CEP57L1: variants seen among roughly 807,000 people sequenced by gnomAD.
The protein encoded by CEP57L1 is centrosomal protein CEP57L1.
Under a neutral mutation model 61.0 loss-of-function variants are expected in CEP57L1, and 37 were observed. That is an observed-to-expected ratio of 0.61 (90% CI 0.47 to 0.80). CEP57L1 has a LOEUF of 0.80. CEP57L1 is among the 30% of genes least tolerant of loss of function. CEP57L1 has a pLI of 0.00. For missense variants in CEP57L1, 422 were observed against 524.7 expected (o/e 0.80, Z 1.91); for synonymous variants, 137 against 162.3 (o/e 0.84, Z 1.19).
In CEP57L1 at chr6:109,171,710, TA is replaced by T. The variant is rs1369400160; in HGVS notation, c.*8746del. 6.6e-6 allele frequency among the ~76,000 whole-genome samples: 1 copy of T among 152,098 alleles called. No individual in the cohort carries two copies. The highest frequency in any genetic ancestry group is 2.4e-5 in the African/African-American group (1 of 41,418). On this transcript the variant is annotated 3_prime_UTR_variant, in exon 11 of 11. Transcript: ENST00000517392. ...CTTTAGGAGGACAGGCTTATCAAAT[TA>T]AAAAATGAAAAAACCTACAAAATTA...
chr6:109,134,062 T>C (rs1365900901), intron 1 of CEP57L1, among the ~76,000 whole-genome samples: 1 of 152,182 alleles, frequency 6.6e-6, no homozygotes, highest in Non-Finnish European at 1.5e-5. Flanking sequence ...ACTCATTTTA[T>C]GAGGCCAGCA....
Position 109,099,794 on chromosome 6 carries a change from C to T in CEP57L1, c.-4+4219C>T, listed in dbSNP as rs186757710. 8.3e-3 allele frequency among the ~76,000 whole-genome samples: 1,261 copies of T among 152,230 alleles called. 23 individuals carry two copies. Among genetic ancestry groups the T allele is most frequent in the African/African-American group, 0.029 (1,212 of 41,522 alleles). ...CGATCTCCTGACCTCGTGATCCACC[C>T]GCCTCGGCCTCCCAAAGTGCTGGGA... On this transcript the variant is annotated intron_variant, in intron 1 of 10. Coordinates refer to ENST00000517392, the MANE Select transcript of CEP57L1 (RefSeq NM_001271852.3).
At chr6:109,150,699 GA>G (rs540516410) in intron 4 of CEP57L1, among the ~76,000 whole-genome samples, 22 of 145,900 alleles carry the variant, frequency 1.5e-4, no homozygotes, top group Non-Finnish European at 2.6e-4. Context: ...AAAGCATCCA[GA>G]AAAAAAAAAT....
At chr6:109,139,466 A>AT (rs936052011) in intron 1 of CEP57L1, among the ~76,000 whole-genome samples, 2 of 150,312 alleles carry the variant, frequency 1.3e-5, no homozygotes, top group Non-Finnish European at 3.0e-5. Flanking sequence ...GCCTGGCTGA[A>AT]TTTTTTTTTC....
At chr6:109,108,890 C>T (rs1410972997) in intron 1 of CEP57L1, among the ~76,000 whole-genome samples, 3 of 152,158 alleles carry the variant, frequency 2.0e-5, no homozygotes, top group African/African-American at 4.8e-5. Flanking sequence ...ACACTAACTT[C>T]GCAATTTTTA....
At position 109,169,662 on chromosome 6, in the gene CEP57L1, A is replaced by G. The variant is rs1477073265; in HGVS notation, c.*6692A>G. Among the ~76,000 whole-genome samples, 1 of 152,236 alleles carries G rather than the reference A, an allele frequency of 6.6e-6. No individual in the cohort carries two copies. Among genetic ancestry groups the G allele is most frequent in the African/African-American group, 2.4e-5 (1 of 41,464 alleles). ...AATCCCTTAACAAAATGACCTCATT[A>G]TGCTACCTCTTGGTAAAATCTAACC... On this transcript the variant is annotated 3_prime_UTR_variant, in exon 11 of 11. Coordinates refer to ENST00000517392, the MANE Select transcript of CEP57L1 (RefSeq NM_001271852.3).
intron 4 of CEP57L1, among the ~76,000 whole-genome samples, chr6:109,151,022 T>C (rs552831210): frequency 1.6e-4 from 25 of 152,290 alleles, no homozygotes; most frequent in Non-Finnish European, 3.4e-4. Flanking sequence ...AATATGTGGA[T>C]AAATCTAAAT....
intron 1 of CEP57L1, among the ~76,000 whole-genome samples, chr6:109,132,171 G>A (rs1388580142): frequency 6.6e-6 from 1 of 152,120 alleles, no homozygotes; most frequent in Non-Finnish European, 1.5e-5. Flanking sequence ...GGTGCCTCAG[G>A]ATCCTAGCAG....
chr6:109,147,466 A>T (rs556380424), intron 3 of CEP57L1, among the ~76,000 whole-genome samples: 1 of 152,176 alleles, frequency 6.6e-6, no homozygotes, highest in East Asian at 1.9e-4. Flanking sequence ...AATTTAGAAC[A>T]TAAGTCTTTT....
chr6:109,120,900 A>T (rs527826077), intron 1 of CEP57L1, among the ~76,000 whole-genome samples: 1 of 142,674 alleles, frequency 7.0e-6, no homozygotes, highest in East Asian at 2.1e-4. Context: ...AAATTCCTAT[A>T]CTTAGACACA....
intron 1 of CEP57L1, among the ~76,000 whole-genome samples, chr6:109,123,037 T>G (rs1213252772): frequency 2.0e-5 from 3 of 152,154 alleles, no homozygotes; most frequent in Non-Finnish European, 4.4e-5. Flanking sequence ...TCTGTTTCCA[T>G]GGACCTTGGT....
rs1010854601 is a variant in CEP57L1 at position 109,140,186 on chromosome 6, G to A, written c.-3-5033G>A. On this transcript the variant is annotated intron_variant, in intron 1 of 10. Coordinates refer to ENST00000517392, the MANE Select transcript of CEP57L1 (RefSeq NM_001271852.3). ...CGGCTCACTGCAACCTCCGCCTTCC[G>A]GGTTCAAGCGATTCTCCTCCCTCAG... Among the ~76,000 whole-genome samples, 6 of 151,908 alleles carry A rather than the reference G, an allele frequency of 3.9e-5. No homozygotes were observed. The South Asian group carries it at 1.0e-3, about 26-fold the overall frequency.
At chr6:109,115,265 A>G (rs910507835) in intron 1 of CEP57L1, among the ~76,000 whole-genome samples, 2 of 151,846 alleles carry the variant, frequency 1.3e-5, no homozygotes, top group Non-Finnish European at 2.9e-5. Context: ...AAGGAGAGAA[A>G]AGAGAGAAAT....
chr6:109,095,224 C>T (rs1781539351), upstream of CEP57L1: 2 of 985,402 alleles, frequency 2.0e-6, no homozygotes, highest in Non-Finnish European at 2.4e-6. Flanking sequence ...GACGTTTGGA[C>T]TCTGTCCTGG....
At chr6:109,144,725 G>A (rs997538043) in intron 1 of CEP57L1, among the ~76,000 whole-genome samples, 20 of 151,884 alleles carry the variant, frequency 1.3e-4, no homozygotes, top group African/African-American at 4.4e-4. Context: ...GTTAAATTCC[G>A]ATATTTCATA....
At chr6:109,155,450 C>A in intron 6 of CEP57L1, 143 bp downstream of exon 6, 1 of 502,062 alleles carries the variant, frequency 2.0e-6, no homozygotes, top group Non-Finnish European at 3.4e-6. Context: ...AATTCTCAGT[C>A]AGCCAGTATG....
intron 1 of CEP57L1, among the ~76,000 whole-genome samples, chr6:109,138,621 C>T (rs747554349): frequency 6.6e-6 from 1 of 152,172 alleles, no homozygotes; most frequent in Non-Finnish European, 1.5e-5. Flanking sequence ...GTTTATATTC[C>T]TGTCAGCTAT....
At chr6:109,150,490 C>T (rs565078095) in intron 4 of CEP57L1, among the ~76,000 whole-genome samples, 3 of 151,750 alleles carry the variant, frequency 2.0e-5, no homozygotes, top group Admixed American at 1.3e-4. Context: ...GGTGAAACCC[C>T]ATCTCTACTA....
intron 1 of CEP57L1, among the ~76,000 whole-genome samples, chr6:109,116,882 C>T (rs56143055): frequency 6.6e-6 from 1 of 151,936 alleles, no homozygotes; most frequent in Non-Finnish European, 1.5e-5. Flanking sequence ...AAACATACTT[C>T]TAAAGAATGA....
Sources: allele counts gnomAD v4.1 joint callset (sites outside exome capture counted in the v4.1 genomes callset), GRCh38; gene constraint gnomAD v4.1.1; transcripts MANE v1.5; gene names NCBI Gene and HGNC (gene_info 2026-07-23, HGNC 2026-07-21).